Variants in PC observed in about 807,000 individuals in gnomAD.
PC encodes the protein pyruvate carboxylase, mitochondrial.
In PC, 46 loss-of-function variants were observed where a neutral mutation model predicts 107.8. The ratio of observed to expected loss-of-function variants is 0.43; its 90% CI spans 0.34 to 0.55. The LOEUF (loss-of-function observed/expected upper bound fraction) is 0.55. Ranked by LOEUF, PC falls within the 20% of genes least tolerant of loss-of-function variation. The probability of loss-of-function intolerance (pLI) is 0.04; values close to 1 mark genes in which losing one functional copy is unlikely to be tolerated. For synonymous variants in PC, 662 were observed against 684.7 expected (o/e 0.97, Z 0.52); for missense variants, 1,241 against 1,643.1 (o/e 0.76, Z 4.23).
In PC at chr11:66,848,868, G is replaced by A; in HGVS notation, c.*31C>T. On this transcript the variant is annotated 3_prime_UTR_variant, in exon 23 of 23. Coordinates refer to ENST00000393960, the MANE Select transcript of PC (RefSeq NM_001040716.2). ...CAGCACAGCTTCTGTTGAAGGCTTG[G>A]GGATGGCCAGGCTGCCGGTCTGGGG... is the stretch of plus-strand genomic sequence containing the variant. The A allele has an allele frequency of 1.2e-6, 2 of 1,613,096 alleles. No individual in the cohort carries two copies. Among genetic ancestry groups the A allele is most frequent in the Non-Finnish European group, 1.7e-6 (2 of 1,179,998 alleles).
At chr11:66,894,625 C>T (rs1947686724) in intron 3 of PC, among the ~76,000 whole-genome samples, 1 of 152,212 alleles carries the variant, frequency 6.6e-6, no homozygotes, top group South Asian at 2.1e-4. Context: ...CACCATCCAC[C>T]AGGAATCCTC....
chr11:66,858,505 T>C lies in PC; in HGVS notation c.1369-5122A>G. The C allele has an allele frequency of 2.6e-6, 4 of 1,536,652 alleles. No individual in the cohort carries two copies. Among genetic ancestry groups the C allele is most frequent in the Non-Finnish European group, 3.5e-6 (4 of 1,147,094 alleles). ...CGGCGGCTGGCGCGGCCGGACGACC[T>C]GGAAACGTGCGCCTCCCCGCCCGGC... On this transcript the variant is annotated intron_variant, in intron 12 of 22. Coordinates refer to ENST00000393960, the MANE Select transcript of PC (RefSeq NM_001040716.2). The surrounding 1 kb of genome is among the most constrained non-coding windows in gnomAD (Gnocchi z 5.9).
chr11:66,922,842 T>C (rs913405878), intron 3 of PC, among the ~76,000 whole-genome samples: 11 of 152,238 alleles, frequency 7.2e-5, no homozygotes, highest in Non-Finnish European at 1.3e-4. Flanking sequence ...TAAACCATCT[T>C]GTCCAAGCTT....
At chr11:66,860,172 CGGCTGGAA>C in intron 12 of PC, 1 of 1,546,468 alleles carries the variant, frequency 6.5e-7, no homozygotes, top group Non-Finnish European at 8.7e-7. Flanking sequence ...CAGCGCCGAG[CGGCTGGAA>C]GAGAGTGTGG....
chr11:66,925,875 G>A (rs574570321), intron 3 of PC, among the ~76,000 whole-genome samples: 9 of 151,950 alleles, frequency 5.9e-5, no homozygotes, highest in South Asian at 2.1e-4. Context: ...TGGCTTCAGC[G>A]GGTCCCTCCG....
At chr11:66,900,114 T>C (rs1947893534) in intron 3 of PC, among the ~76,000 whole-genome samples, 1 of 151,788 alleles carries the variant, frequency 6.6e-6, no homozygotes, top group East Asian at 1.9e-4. Flanking sequence ...TATATGTCTA[T>C]CCTTACACCA....
intron 3 of PC, among the ~76,000 whole-genome samples, chr11:66,943,167 T>C (rs768491547): frequency 1.3e-5 from 2 of 151,838 alleles, no homozygotes; most frequent in Non-Finnish European, 2.9e-5. Context: ...TCCTGTTCTA[T>C]GAGTAGGATT....
chr11:66,925,375 A>C (rs998745511), intron 3 of PC, among the ~76,000 whole-genome samples: 4 of 152,112 alleles, frequency 2.6e-5, no homozygotes, highest in Non-Finnish European at 2.9e-5. Flanking sequence ...TCAGAGGCCT[A>C]CCCTCAGGGA....
chr11:66,860,733 C>T, intron 12 of PC: 1 of 699,932 alleles, frequency 1.4e-6, no homozygotes, highest in Non-Finnish European at 2.6e-6. Context: ...AACGCCCCTT[C>T]CTGCCAGGTG....
Position 66,870,041 on chromosome 11 carries a change from A to C in PC, c.903+261T>G, listed in dbSNP as rs979825822. Among the ~76,000 whole-genome samples the C allele has an allele frequency of 3.9e-5, 6 of 152,100 alleles. No homozygotes were observed. The highest frequency in any genetic ancestry group is 7.2e-5 in the African/African-American group (3 of 41,404). ...GGTCTGTGTAGCAGCAGGGCTGAGG[A>C]GGCGGCTGGGGCTCCTTCCCTCCCT... On this transcript the variant is annotated intron_variant, in intron 9 of 22. Coordinates refer to ENST00000393960, the MANE Select transcript of PC (RefSeq NM_001040716.2). This position sits in a 1 kb window ranked among gnomAD's most constrained non-coding sequence, Gnocchi z 6.1.
chr11:66,920,898 C>T (rs1948577364), intron 3 of PC, among the ~76,000 whole-genome samples: 1 of 151,994 alleles, frequency 6.6e-6, no homozygotes, highest in Non-Finnish European at 1.5e-5. Flanking sequence ...ATTAGCCAGG[C>T]ATGGTGGTAG....
intron 1 of PC, among the ~76,000 whole-genome samples, chr11:66,955,067 C>T (rs1371818989): frequency 6.6e-6 from 1 of 152,216 alleles, no homozygotes; most frequent in African/African-American, 2.4e-5. Context: ...GCCATCCCTG[C>T]CACCTCCAAA....
chr11:66,950,213 C>T (rs1949404785), intron 3 of PC, among the ~76,000 whole-genome samples: 1 of 152,128 alleles, frequency 6.6e-6, no homozygotes, highest in Non-Finnish European at 1.5e-5. Flanking sequence ...GACACACATC[C>T]CCAGAGACTA....
chr11:66,852,089 C>G lies in PC; in HGVS notation c.1826-143G>C. 2 of 853,438 alleles carry G rather than the reference C, an allele frequency of 2.3e-6. No individual in the cohort carries two copies. The highest frequency in any genetic ancestry group is 1.5e-5 in the South Asian group (1 of 65,112). 52.9% of individuals were successfully genotyped at this position (853,438 alleles called of 1,614,324 possible). A position where few individuals can be genotyped will look rare whatever the true frequency, so the allele number is the denominator to read the frequency against. The stretch of plus-strand genomic sequence containing the variant: ...GCCATACCTGTGTTCCCTGCTCCAA[C>G]CCCCACAGATTTTTCCCTTGTCTGA... On this transcript the variant is annotated intron_variant, in intron 15 of 22. Transcript: ENST00000393960. The surrounding 1 kb of genome is among the most constrained non-coding windows in gnomAD (Gnocchi z 4.7).
intron 3 of PC, among the ~76,000 whole-genome samples, chr11:66,916,439 T>C (rs1948464767): frequency 6.6e-6 from 1 of 152,116 alleles, no homozygotes; most frequent in Non-Finnish European, 1.5e-5. Context: ...TAAGGAGGAC[T>C]TCACCGTCTA....
rs1945352475 is a variant in PC at position 66,849,654 on chromosome 11, G to C, written c.3104C>G (p.Thr1035Ser). The part of the protein sequence containing the change: ...ATFGPLDSLN[T>S]RLFLQGPKIA... ...CTTGGGTCCCTGCAGGAAGAGGCGA[G>C]TATTCAGGCTATCCAGGGGGCCAAA... Residue 1035 changes from threonine (T) to serine (S), a missense_variant, in exon 21 of 23, where the codon ACT (threonine) becomes AGT (serine). By Grantham distance (58) the Thr-to-Ser change is moderately conservative (BLOSUM62 1). This residue lies in a region of PC where 1,143 missense variants were observed against 1,551.9 expected (regional missense o/e 0.74). Coordinates refer to ENST00000393960, the MANE Select transcript of PC (RefSeq NM_001040716.2). 6.2e-7 allele frequency: 1 copy of C among 1,614,092 alleles called. No homozygotes were observed. The highest frequency in any genetic ancestry group is 8.5e-7 in the Non-Finnish European group (1 of 1,180,042).
rs369972881 is a variant in PC at position 66,870,368 on chromosome 11, G to A, written c.837C>T (p.Pro279=). Reference sequence around the variant, plus strand: ...GAAGCTGCGGGTCCAGGTGGGCGGCGGGGGCAATCTCGACCACCTTCTGGT... The same window carrying A: ...GAAGCTGCGGGTCCAGGTGGGCGGCAGGGGCAATCTCGACCACCTTCTGGT... ...RRHQKVVEIA[P]AAHLDPQLRT... The change falls in exon 9 of 23, where the codon CCC becomes CCT. Residue 279 remains proline, a synonymous_variant. Transcript: ENST00000393960. The surrounding 1 kb of genome is among the most constrained non-coding windows in gnomAD (Gnocchi z 6.1). 31 of 1,613,354 alleles carry A rather than the reference G, an allele frequency of 1.9e-5. No homozygotes were observed. The highest frequency in any genetic ancestry group is 2.5e-5 in the Non-Finnish European group (29 of 1,179,998).
intron 12 of PC, among the ~76,000 whole-genome samples, chr11:66,856,098 C>T (rs1460438115): frequency 6.6e-6 from 1 of 152,260 alleles, no homozygotes. Flanking sequence ...CTCGCCGAGC[C>T]ACCGAAGCCC....
In PC at chr11:66,914,967, G is replaced by A. The variant is rs564904380; in HGVS notation, c.-1+37463C>T. 2.4e-4 allele frequency among the ~76,000 whole-genome samples: 36 copies of A among 152,298 alleles called. 1 individual carries two copies. The highest frequency in any genetic ancestry group is 2.1e-3 in the South Asian group (10 of 4,822). ...GTCACTTGAGCCTGGGGGAGTTCAA[G>A]GCTGCAGTGAGCTATGATGGTGCCA... On this transcript the variant is annotated intron_variant, in intron 3 of 22. Coordinates refer to ENST00000393960, the MANE Select transcript of PC (RefSeq NM_001040716.2).
Sources: gnomAD v4.1 joint callset for allele counts (sites outside exome capture counted in the v4.1 genomes callset) on GRCh38, gnomAD v4.1.1 for gene constraint, gnomAD v4.1.1 regional missense constraint, Gnocchi (gnomAD v3.1) non-coding constraint, MANE v1.5 for transcripts, NCBI Gene and HGNC (gene_info 2026-07-23, HGNC 2026-07-21) for gene names.